CCDC7: variants seen among roughly 807,000 people sequenced by gnomAD.
CCDC7 encodes coiled-coil domain-containing protein 7.
A neutral mutation model predicts 196.9 loss-of-function variants in CCDC7; 183 were observed. The ratio of observed to expected loss-of-function variants is 0.93; its 90% CI spans 0.82 to 1.05. The LOEUF is 1.05. Ranked by LOEUF, CCDC7 falls within the 50% of genes least tolerant of loss-of-function variation. The pLI is 0.00. For missense variants in CCDC7, 1,540 were observed against 1,482.2 expected, an observed-to-expected ratio of 1.04 and a Z score of -0.64; for synonymous variants, 525 against 484.6, an observed-to-expected ratio of 1.08 and a Z score of -1.10.
rs185320105 is a variant in CCDC7, at chr10:32,691,665, C to T, written c.2344+2502C>T. Among the ~76,000 whole-genome samples, 319 of 152,252 alleles carry T rather than the reference C, an allele frequency of 2.1e-3. 1 individual carries two copies. Among genetic ancestry groups the T allele is most frequent in the Middle Eastern group, 6.8e-3 (2 of 294 alleles). On this transcript the variant is annotated intron_variant, in intron 23 of 41. Coordinates refer to ENST00000639629, the Ensembl canonical transcript of CCDC7. ...ACTCCATCAGTGATCTTAGAGACAGCGGAATGGCTCAAGGGCCATTACAGC... is the reference window on the plus strand; with the variant it reads ...ACTCCATCAGTGATCTTAGAGACAGTGGAATGGCTCAAGGGCCATTACAGC...
In CCDC7 at chr10:32,562,792, T is replaced by A. The variant is rs376070336; in HGVS notation, c.1135-2766T>A. Reference sequence around the variant, plus strand: ...CTATTCAACATAGTGTTGGAAGTTCTGGCCAGGGCAATTAGGCAGGAGAAG... The same window carrying A: ...CTATTCAACATAGTGTTGGAAGTTCAGGCCAGGGCAATTAGGCAGGAGAAG... On this transcript the variant is annotated intron_variant, in intron 13 of 41. Coordinates refer to ENST00000639629, the Ensembl canonical transcript of CCDC7. Among the ~76,000 whole-genome samples, 23 of 152,212 alleles carry A rather than the reference T, an allele frequency of 1.5e-4. 1 individual carries two copies. The highest frequency in any genetic ancestry group is 8.5e-4 in the Admixed American group (13 of 15,296).
At chr10:32,702,197 C>T (rs976637690) in intron 24 of CCDC7, among the ~76,000 whole-genome samples, 5 of 152,086 alleles carry the variant, frequency 3.3e-5, no homozygotes, top group Non-Finnish European at 7.4e-5. Flanking sequence ...TTGAATGTGT[C>T]CCAGAGATTC....
chr10:32,526,387 G>A (rs1202235977), intron 11 of CCDC7, among the ~76,000 whole-genome samples: 1 of 152,138 alleles, frequency 6.6e-6, no homozygotes, highest in Non-Finnish European at 1.5e-5. Flanking sequence ...GACCCCAAGA[G>A]CCTGCTCGTT....
chr10:32,749,171 C>T (rs1024403915), intron 28 of CCDC7, among the ~76,000 whole-genome samples: 2 of 152,176 alleles, frequency 1.3e-5, no homozygotes, highest in Non-Finnish European at 2.9e-5. Flanking sequence ...CCTGTGACGT[C>T]TTTTCTATGA....
chr10:32,585,536 C>T (rs1311942580), intron 18 of CCDC7, among the ~76,000 whole-genome samples: 1 of 152,110 alleles, frequency 6.6e-6, no homozygotes, highest in Non-Finnish European at 1.5e-5. Context: ...GGCCCCCACC[C>T]CTGACAGGCC....
chr10:32,491,539 A>G (rs11818778), intron 8 of CCDC7, among the ~76,000 whole-genome samples: 6,873 of 152,276 alleles, frequency 0.045, 520 homozygotes, highest in African/African-American at 0.16. Flanking sequence ...TTAGTATGCT[A>G]TAGTCCCTCT....
chr10:32,581,607 T>G (rs151186443), intron 16 of CCDC7, among the ~76,000 whole-genome samples: 52 of 152,298 alleles, frequency 3.4e-4, no homozygotes, highest in Middle Eastern at 3.4e-3. Context: ...GTATCATGGT[T>G]GTTATGCTGT....
chr10:32,882,025 T>C (rs2094808539), downstream of CCDC7, among the ~76,000 whole-genome samples: 2 of 152,132 alleles, frequency 1.3e-5, no homozygotes, highest in South Asian at 4.1e-4. Context: ...ACCTCTAGCA[T>C]ATACTCCATC....
intron 21 of CCDC7, among the ~76,000 whole-genome samples, chr10:32,683,185 G>A (rs1442591785): frequency 6.6e-6 from 1 of 152,124 alleles, no homozygotes; most frequent in Non-Finnish European, 1.5e-5. Context: ...GTGAAAGGAA[G>A]CAGTCCAATT....
At chr10:32,451,345 A>C (rs2033012160), upstream of CCDC7, among the ~76,000 whole-genome samples, 1 of 152,206 alleles carries the variant, frequency 6.6e-6, no homozygotes, top group African/African-American at 2.4e-5. Flanking sequence ...TGGAGCTTTT[A>C]CTGTTATTAT....
chr10:32,583,873 G>T (rs1247316223), intron 17 of CCDC7, among the ~76,000 whole-genome samples: 2 of 151,876 alleles, frequency 1.3e-5, no homozygotes, highest in Non-Finnish European at 2.9e-5. Flanking sequence ...TAATAATTTT[G>T]TAAGCCATTT....
chr10:32,804,934 C>T (rs934310535), intron 29 of CCDC7, 81 bp from the exon 31 acceptor site: 6 of 422,792 alleles, frequency 1.4e-5, no homozygotes, highest in South Asian at 7.1e-5. Context: ...ATTTAATACA[C>T]ACACACACAC....
intron 8 of CCDC7, among the ~76,000 whole-genome samples, chr10:32,477,551 T>G (rs2039227887): frequency 6.8e-6 from 1 of 147,412 alleles, no homozygotes; most frequent in South Asian, 2.2e-4. Context: ...CTAGAGTCAT[T>G]GTTTTTTTTT....
chr10:32,839,956 CAAT>C (rs2092865846), intron 33 of CCDC7, among the ~76,000 whole-genome samples: 1 of 151,244 alleles, frequency 6.6e-6, no homozygotes, highest in Non-Finnish European at 1.5e-5. Context: ...TTGAACTGAA[CAAT>C]AATAGTGACA....
At chr10:32,767,927 T>G (rs1420456334) in intron 28 of CCDC7, among the ~76,000 whole-genome samples, 1 of 152,016 alleles carries the variant, frequency 6.6e-6, no homozygotes, top group Non-Finnish European at 1.5e-5. Flanking sequence ...AAGTAATAAC[T>G]TTAAAAACAC....
upstream of CCDC7, among the ~76,000 whole-genome samples, chr10:32,449,459 T>A (rs1280352389): frequency 6.6e-6 from 1 of 152,224 alleles, no homozygotes. Context: ...GTACTGGGAT[T>A]ACAGGCGTGA....
rs534049569 is a variant in CCDC7, at chr10:32,821,504, C to T, written c.3182-3014C>T. Among the ~76,000 whole-genome samples, 11 of 152,288 alleles carry T rather than the reference C, an allele frequency of 7.2e-5. 1 individual carries two copies. The South Asian group carries it at 2.1e-3, about 29-fold the overall frequency. On this transcript the variant is annotated intron_variant, in intron 31 of 41. Coordinates refer to ENST00000639629, the Ensembl canonical transcript of CCDC7. ...TATAAAACATGCTGCTATAAATACA[C>T]ATGCACGCGTATGTTTATTGCGGCA...
At chr10:32,800,784 T>A (rs749931671) in intron 29 of CCDC7, among the ~76,000 whole-genome samples, 25 of 152,212 alleles carry the variant, frequency 1.6e-4, no homozygotes, top group Non-Finnish European at 1.5e-5. Flanking sequence ...GGTTCAAGTC[T>A]GGAAATTGGT....
intron 24 of CCDC7, among the ~76,000 whole-genome samples, chr10:32,695,236 AG>A (rs2077562403): frequency 6.6e-6 from 1 of 152,190 alleles, no homozygotes; most frequent in African/African-American, 2.4e-5. Flanking sequence ...AAAAATCATT[AG>A]TCTGTCAAAG....
Sources: gnomAD v4.1 joint callset for allele counts (sites outside exome capture counted in the v4.1 genomes callset) on GRCh38, gnomAD v4.1.1 for gene constraint, MANE v1.5 for transcripts, NCBI Gene and HGNC (gene_info 2026-07-23, HGNC 2026-07-21) for gene names.